Variants in KLF12 observed in about 807,000 individuals in gnomAD.
The protein encoded by KLF12 is KLF transcription factor 12.
In KLF12, 9 loss-of-function variants were observed where a neutral mutation model predicts 37.8. The observed-to-expected ratio is 0.24, with a 90% CI of 0.14 to 0.42. KLF12 has a LOEUF of 0.42. Among genes scored for constraint, KLF12 ranks in the 10% least tolerant of loss-of-function variants. The pLI is 1.00. For synonymous variants in KLF12, 208 were observed against 202.1 expected, an observed-to-expected ratio of 1.03 and a Z score of -0.25; for missense variants, 411 against 516.0, an observed-to-expected ratio of 0.80 and a Z score of 1.97.
the KLF12 span, among the ~76,000 whole-genome samples, chr13:74,183,737 A>C: frequency 6.6e-6 from 1 of 152,116 alleles, no homozygotes; most frequent in East Asian, 1.9e-4. Context: ...GGAGTTAGAG[A>C]CCAGCCTGGC....
chr13:74,145,564 T>C, the KLF12 span, among the ~76,000 whole-genome samples: 1 of 152,318 alleles, frequency 6.6e-6, no homozygotes, highest in East Asian at 1.9e-4. Flanking sequence ...TGTATTGACT[T>C]GTGTCTGTTC....
At chr13:74,183,383 A>C in the KLF12 span, among the ~76,000 whole-genome samples, 1 of 152,130 alleles carries the variant, frequency 6.6e-6, no homozygotes, top group African/African-American at 2.4e-5. Context: ...TGGTGCCCTC[A>C]TATCACTGAC....
chr13:73,988,939 T>A (rs1891894916), intron 2 of KLF12, among the ~76,000 whole-genome samples: 1 of 152,208 alleles, frequency 6.6e-6, no homozygotes, highest in African/African-American at 2.4e-5. Flanking sequence ...CTATTACTGT[T>A]ATTGCCATAT....
the KLF12 span, among the ~76,000 whole-genome samples, chr13:74,234,645 G>A: frequency 1.3e-5 from 2 of 152,106 alleles, no homozygotes; most frequent in African/African-American, 4.8e-5. Flanking sequence ...ATGCAAGGAA[G>A]GACAAGTTAT....
At chr13:74,022,022 G>C (rs1443482496) in intron 1 of KLF12, among the ~76,000 whole-genome samples, 1 of 152,138 alleles carries the variant, frequency 6.6e-6, no homozygotes, top group African/African-American at 2.4e-5. Context: ...GCAGGATGAA[G>C]GCGGCTTTCA....
the KLF12 span, among the ~76,000 whole-genome samples, chr13:74,247,657 G>T: frequency 2.0e-5 from 3 of 151,772 alleles, no homozygotes; most frequent in African/African-American, 2.4e-5. Context: ...TTTTTGTAGA[G>T]GCTGGGGTCT....
chr13:73,715,610 A>T, intron 6 of KLF12, 85 bp from the exon 7 acceptor site: 1 of 1,354,010 alleles, frequency 7.4e-7, no homozygotes, highest in East Asian at 2.3e-5. Context: ...TGTCTCAGAC[A>T]CTACAGCTTC....
chr13:74,181,920 ATG>A, the KLF12 span, among the ~76,000 whole-genome samples: 1 of 152,104 alleles, frequency 6.6e-6, no homozygotes, highest in Non-Finnish European at 1.5e-5. Flanking sequence ...GTGGTATGGT[ATG>A]TGTGTGAGTT....
At chr13:73,857,682 A>C (rs1885677412) in intron 3 of KLF12, among the ~76,000 whole-genome samples, 1 of 152,160 alleles carries the variant, frequency 6.6e-6, no homozygotes, top group African/African-American at 2.4e-5. Flanking sequence ...TATTTTGGGG[A>C]GTAAAAATTA....
chr13:74,245,617 C>A, the KLF12 span, among the ~76,000 whole-genome samples: 2,166 of 152,092 alleles, frequency 0.014, 65 homozygotes, highest in African/African-American at 0.049. Context: ...CTCTGAGAAC[C>A]TTGTTTTATT....
chr13:73,850,645 C>T (rs1318431361), intron 3 of KLF12, among the ~76,000 whole-genome samples: 1 of 152,184 alleles, frequency 6.6e-6, no homozygotes. Flanking sequence ...TACTAAATGT[C>T]GTTCAAGATT....
At chr13:74,186,318 A>G in the KLF12 span, among the ~76,000 whole-genome samples, 1 of 152,096 alleles carries the variant, frequency 6.6e-6, no homozygotes, top group South Asian at 2.1e-4. Flanking sequence ...AGTAGGCTCA[A>G]TTCTTCTTAC....
chr13:73,716,706 A>C (rs1008165472), intron 6 of KLF12, among the ~76,000 whole-genome samples: 4 of 152,170 alleles, frequency 2.6e-5, no homozygotes, highest in African/African-American at 4.8e-5. Context: ...TCATATGAAT[A>C]ATATCATGCT....
At chr13:73,696,561 A>G (rs1874167844) in intron 7 of KLF12, among the ~76,000 whole-genome samples, 1 of 152,106 alleles carries the variant, frequency 6.6e-6, no homozygotes, top group Non-Finnish European at 1.5e-5. Flanking sequence ...TCCCCATGCA[A>G]CCCCACAAAA....
At chr13:73,906,921 C>T (rs576115893) in intron 3 of KLF12, among the ~76,000 whole-genome samples, 1 of 152,268 alleles carries the variant, frequency 6.6e-6, no homozygotes, top group East Asian at 1.9e-4. Flanking sequence ...TTATTACTTG[C>T]CCAAATCTAG....
intron 3 of KLF12, among the ~76,000 whole-genome samples, chr13:73,905,043 T>A (rs888735037): frequency 6.6e-6 from 1 of 152,110 alleles, no homozygotes; most frequent in Non-Finnish European, 1.5e-5. Context: ...TTAATTTGCA[T>A]GTTTGTTTTG....
chr13:73,972,878 A>G, intron 2 of KLF12, among the ~76,000 whole-genome samples: 1 of 151,270 alleles, frequency 6.6e-6, no homozygotes, highest in Admixed American at 6.6e-5. Flanking sequence ...AATAAAGAAC[A>G]CGTTTCTACA....
At chr13:73,782,216 T>C (rs1881009719) in intron 5 of KLF12, among the ~76,000 whole-genome samples, 1 of 152,216 alleles carries the variant, frequency 6.6e-6, no homozygotes, top group Non-Finnish European at 1.5e-5. Context: ...AGGTTTCCTA[T>C]CTTCATAATG....
At chr13:74,299,703 A>G in the KLF12 span, among the ~76,000 whole-genome samples, 5 of 152,324 alleles carry the variant, frequency 3.3e-5, no homozygotes, top group South Asian at 2.1e-4. Flanking sequence ...CAGCATGGGC[A>G]TGCCAGGGAG....
Sources: allele counts gnomAD v4.1 joint callset (sites outside exome capture counted in the v4.1 genomes callset), GRCh38; gene constraint gnomAD v4.1.1; transcripts MANE v1.5; gene names NCBI Gene and HGNC (gene_info 2026-07-23, HGNC 2026-07-21).